GALNT14: variants seen among roughly 807,000 people sequenced by gnomAD.
The protein encoded by GALNT14 is polypeptide N-acetylgalactosaminyltransferase 14.
In GALNT14, 60 loss-of-function variants were observed where a neutral mutation model predicts 77.5. The observed-to-expected ratio is 0.77, with a 90% CI of 0.63 to 0.96. The LOEUF is 0.96. Ranked by LOEUF, GALNT14 falls within the 40% of genes least tolerant of loss-of-function variation. GALNT14 has a pLI of 0.00. For synonymous variants in GALNT14, 280 were observed against 281.7 expected (o/e 0.99, Z 0.06); for missense variants, 710 against 731.0 (o/e 0.97, Z 0.33).
chr2:30,969,125 A>G (rs562864595), intron 2 of GALNT14, among the ~76,000 whole-genome samples: 1 of 152,316 alleles, frequency 6.6e-6, no homozygotes, highest in East Asian at 1.9e-4. Context: ...ACAGGAGGCA[A>G]CAAGTCACAG....
chr2:31,024,662 A>G (rs908574241), intron 1 of GALNT14, among the ~76,000 whole-genome samples: 5 of 152,270 alleles, frequency 3.3e-5, no homozygotes, highest in African/African-American at 9.6e-5. Flanking sequence ...GGTTATATAT[A>G]TCTCTTTGCT....
chr2:31,110,332 G>C (rs750809916), intron 1 of GALNT14, among the ~76,000 whole-genome samples: 1 of 152,110 alleles, frequency 6.6e-6, no homozygotes, highest in Non-Finnish European at 1.5e-5. Context: ...TGTAGACAAT[G>C]AGTGATTCCA....
intron 1 of GALNT14, among the ~76,000 whole-genome samples, chr2:30,994,658 G>T (rs1157238034): frequency 6.6e-6 from 1 of 152,142 alleles, no homozygotes; most frequent in African/African-American, 2.4e-5. Context: ...CAGCCTGATA[G>T]CTGTGACCTC....
chr2:30,926,627 T>A (rs1665399822), intron 11 of GALNT14, among the ~76,000 whole-genome samples: 2 of 151,858 alleles, frequency 1.3e-5, no homozygotes, highest in African/African-American at 2.4e-5. Context: ...AAGACCATCA[T>A]GCAAGGAGTA....
chr2:31,060,563 C>G (rs1431868483), intron 1 of GALNT14, among the ~76,000 whole-genome samples: 2 of 152,216 alleles, frequency 1.3e-5, no homozygotes, highest in African/African-American at 4.8e-5. Flanking sequence ...TAACTACAGT[C>G]CTGCTAATAA....
intron 1 of GALNT14, among the ~76,000 whole-genome samples, chr2:31,072,338 G>A (rs1016594185): frequency 6.7e-6 from 1 of 149,658 alleles, no homozygotes; most frequent in African/African-American, 2.5e-5. Flanking sequence ...CGGACGTGCA[G>A]AGATACACAG....
Position 30,931,980 on chromosome 2 carries a change from C to G in GALNT14, c.1058+88G>C, listed in dbSNP as rs1665756758. 3 of 1,329,866 alleles carry G rather than the reference C, an allele frequency of 2.3e-6. No homozygotes were observed. The South Asian group carries it at 5.4e-5, about 24-fold the overall frequency. 82.4% of individuals were successfully genotyped at this position (1,329,866 alleles called of 1,614,324 possible). ...ATCACACAGGCAGCCTAACAGAGCA[C>G]CAGGGACGGCTGCAACCCTTACCAG... On this transcript the variant is annotated intron_variant, in intron 10 of 14. Transcript: ENST00000349752.
At chr2:31,121,960 A>C (rs2148639337) in intron 1 of GALNT14, among the ~76,000 whole-genome samples, 1 of 152,314 alleles carries the variant, frequency 6.6e-6, no homozygotes, top group Middle Eastern at 3.4e-3. Context: ...GATACCAGGA[A>C]ATAGGCCATC....
At chr2:31,086,973 A>T (rs1430435431) in intron 1 of GALNT14, among the ~76,000 whole-genome samples, 1 of 152,226 alleles carries the variant, frequency 6.6e-6, no homozygotes. Flanking sequence ...GCACTTAATT[A>T]TGGTAACTGG....
intron 1 of GALNT14, among the ~76,000 whole-genome samples, chr2:31,109,455 A>C (rs2148623214): frequency 6.6e-6 from 1 of 152,342 alleles, no homozygotes; most frequent in Middle Eastern, 3.4e-3. Flanking sequence ...AACTAAAGAC[A>C]AGGAATGTCT....
chr2:31,130,377 G>C (rs1678916835), intron 1 of GALNT14, among the ~76,000 whole-genome samples: 2 of 152,330 alleles, frequency 1.3e-5, no homozygotes, highest in African/African-American at 4.8e-5. Flanking sequence ...CTTCTACAGA[G>C]CAGAGGGCAG....
chr2:31,044,215 T>C (rs887228759), intron 1 of GALNT14, among the ~76,000 whole-genome samples: 2 of 152,150 alleles, frequency 1.3e-5, no homozygotes, highest in Admixed American at 6.5e-5. Flanking sequence ...CCAGAAATAT[T>C]TGGAAGGACA....
rs376918630 is a variant in GALNT14 at position 30,920,772 on chromosome 2, G to A, written c.1380+3347C>T. Among the ~76,000 whole-genome samples, 109 of 152,230 alleles carry A rather than the reference G, an allele frequency of 7.2e-4. 1 individual carries two copies. The highest frequency in any genetic ancestry group is 2.3e-3 in the South Asian group (11 of 4,810). On this transcript the variant is annotated intron_variant, in intron 13 of 14. Transcript: ENST00000349752. The stretch of plus-strand genomic sequence containing the variant: ...GATTACTTGGAAATGTATCCAAGTC[G>A]TGCCGTAGGCCCTGGAGGGCAGGGG...
intron 1 of GALNT14, among the ~76,000 whole-genome samples, chr2:31,047,570 C>G (rs987509514): frequency 2.6e-5 from 4 of 152,188 alleles, no homozygotes; most frequent in African/African-American, 9.7e-5. Flanking sequence ...TCTTAGGCCC[C>G]AAGGCATTCC....
At chr2:30,955,790 C>T (rs781393770) in intron 5 of GALNT14, 51 bp from the exon 6 acceptor site, 1 of 1,610,814 alleles carries the variant, frequency 6.2e-7, no homozygotes, top group South Asian at 1.1e-5. Flanking sequence ...CTCCATTGTC[C>T]AGCGAGACCA....
intron 1 of GALNT14, among the ~76,000 whole-genome samples, chr2:31,012,786 A>C (rs933124514): frequency 2.0e-5 from 3 of 152,154 alleles, no homozygotes; most frequent in Admixed American, 6.5e-5. Flanking sequence ...TCCAAAAACA[A>C]CACCACCCAC....
At chr2:31,130,732 C>CTGTG (rs1331045279) in intron 1 of GALNT14, among the ~76,000 whole-genome samples, 1 of 107,590 alleles carries the variant, frequency 9.3e-6, no homozygotes, top group African/African-American at 3.9e-5. Context: ...CCCAGGGTAC[C>CTGTG]TCTGTGTGTG....
intron 1 of GALNT14, among the ~76,000 whole-genome samples, chr2:31,017,047 G>T (rs183338071): frequency 6.6e-6 from 1 of 152,164 alleles, no homozygotes; most frequent in Non-Finnish European, 1.5e-5. Context: ...GTTAAGCAAG[G>T]GTCTCAAAGC....
intron 1 of GALNT14, among the ~76,000 whole-genome samples, chr2:31,061,149 T>C (rs1465066120): frequency 1.3e-5 from 2 of 152,032 alleles, no homozygotes; most frequent in Non-Finnish European, 2.9e-5. Context: ...GACATCCCAT[T>C]TGGATGACCT....
Sources: gnomAD v4.1 joint callset for allele counts (sites outside exome capture counted in the v4.1 genomes callset) on GRCh38, gnomAD v4.1.1 for gene constraint, MANE v1.5 for transcripts, NCBI Gene and HGNC (gene_info 2026-07-23, HGNC 2026-07-21) for gene names.